The following SLC31A2 variants were observed in gnomAD, a reference collection of about 807,000 sequenced individuals.
SLC31A2 encodes the protein solute carrier family 31 member 2, also known as protein SLC31A2.
A neutral mutation model predicts 14.4 loss-of-function variants in SLC31A2; 16 were observed. The observed-to-expected ratio is 1.11, with a 90% CI of 0.75 to 1.69. SLC31A2 has a LOEUF of 1.69. Among genes scored for constraint, SLC31A2 ranks in the 40% most tolerant of loss-of-function variants. The probability of loss-of-function intolerance (pLI) is 0.00; values close to 1 mark genes in which losing one functional copy is unlikely to be tolerated. For missense variants in SLC31A2, 140 were observed against 173.9 expected (o/e 0.81, Z 1.10); for synonymous variants, 56 against 68.7 (o/e 0.82, Z 0.91).
intron 1 of SLC31A2, chr9:113,152,233 A>C (rs1829878206): frequency 6.6e-6 from 1 of 152,262 alleles, no homozygotes; most frequent in Non-Finnish European, 1.5e-5. Flanking sequence ...CAAATCAGTT[A>C]AACTTTCAGA....
chr9:113,158,207 T>G (rs532269032), intron 2 of SLC31A2: 20 of 372,752 alleles, frequency 5.4e-5, no homozygotes, highest in African/African-American at 8.4e-5. Flanking sequence ...CAGCAGCTGC[T>G]GGAGATGAGA....
intron 1 of SLC31A2, among the ~76,000 whole-genome samples, chr9:113,152,893 C>T (rs1236490087): frequency 2.0e-5 from 3 of 152,238 alleles, no homozygotes; most frequent in African/African-American, 7.2e-5. Context: ...AACTCCCTGA[C>T]TGATTAATTA....
At chr9:113,153,465 C>T (rs1587938601) in intron 1 of SLC31A2, among the ~76,000 whole-genome samples, 1 of 151,478 alleles carries the variant, frequency 6.6e-6, no homozygotes, top group East Asian at 1.9e-4. Context: ...GTCCCAGAAA[C>T]ACCCAGTACA....
Position 113,163,923 on chromosome 9 carries a change from G to T in SLC31A2, c.*1006G>T, listed in dbSNP as rs10603. 0.05 allele frequency: 7,688 copies of T among 152,686 alleles called. 238 individuals carry two copies. Among genetic ancestry groups the T allele is most frequent in the South Asian group, 0.13 (644 of 4,826 alleles). 9.5% of individuals were successfully genotyped at this position (152,686 alleles called of 1,614,324 possible). Reference sequence around the variant, plus strand: ...TAAAATACTGATTAAGCCATGGGCAGGTACTGACTGAAGATGCAATCCAAC... The same window carrying T: ...TAAAATACTGATTAAGCCATGGGCATGTACTGACTGAAGATGCAATCCAAC... On this transcript the variant is annotated 3_prime_UTR_variant, in exon 4 of 4. Transcript: ENST00000259392.
chr9:113,160,042 T>TG (rs1323429256), intron 2 of SLC31A2, among the ~76,000 whole-genome samples: 7 of 152,082 alleles, frequency 4.6e-5, no homozygotes, highest in East Asian at 1.9e-4. Context: ...CCAGGCGTGG[T>TG]GGGGGGTGTC....
Position 113,163,091 on chromosome 9 carries a change from C to A in SLC31A2, c.*174C>A. 1.8e-6 allele frequency: 1 copy of A among 569,048 alleles called. No homozygotes were observed. Among genetic ancestry groups the A allele is most frequent in the Non-Finnish European group, 3.0e-6 (1 of 337,270 alleles). The allele number at this position is 569,048 out of a possible 1,614,324, so 35.2% of individuals were successfully genotyped here. A position where few individuals can be genotyped will look rare whatever the true frequency, so the allele number is the denominator to read the frequency against. On this transcript the variant is annotated 3_prime_UTR_variant, in exon 4 of 4. Transcript: ENST00000259392. ...CCCTGGAGTTCGGAAGCCATTGCAG[C>A]AACCTTCCTTCTCAGCCAGCCTACG... is the stretch of plus-strand genomic sequence containing the variant.
In SLC31A2 at chr9:113,151,080, G is replaced by C; in HGVS notation, c.6G>C (p.Ala2=). M[A]MHFIFSDTAV... is the part of the protein sequence containing the mutation. ...GCCCGCCCTGCGCACTCACCATGGC[G>C]GTAAGGGCCGGGCGCTACGGTGAAG... The change falls in exon 1 of 4, where the codon GCG becomes GCC. Residue 2 remains alanine (A), a splice_region_variant and synonymous_variant. Transcript: ENST00000259392. This position sits in a 1 kb window ranked among gnomAD's most constrained non-coding sequence, Gnocchi z 4.2. The C allele has an allele frequency of 7.6e-7, 1 of 1,308,316 alleles. No homozygotes were observed. The highest frequency in any genetic ancestry group is 9.8e-7 in the Non-Finnish European group (1 of 1,020,700). The allele number at this position is 1,308,316 out of a possible 1,614,324, so 81.0% of individuals were successfully genotyped here.
chr9:113,161,641 A>T lies in SLC31A2; in HGVS notation c.206A>T (p.Glu69Val), dbSNP rs569884303. 86 of 1,614,040 alleles carry T rather than the reference A, an allele frequency of 5.3e-5. No individual in the cohort carries two copies. In the African/African-American group the frequency reaches 1.1e-3, roughly 21 times the overall value. Residue 69 changes from glutamate (E) to valine (V), a missense_variant, in exon 3 of 4, where the codon GAG becomes GTG. Physicochemically the swap from Glu to Val is moderately radical, Grantham distance 121. Coordinates refer to ENST00000259392, the MANE Select transcript of SLC31A2 (RefSeq NM_001860.3). ...TCCATCAGCCAGCAGACCATCGCAG[A>T]GACAGACGGGGACTCTGCAGGCTCA... ...PTSISQQTIA[E>V]TDGDSAGSDS...
chr9:113,157,441 G>A (rs1050478276), intron 1 of SLC31A2, among the ~76,000 whole-genome samples: 8 of 152,216 alleles, frequency 5.3e-5, no homozygotes, highest in African/African-American at 1.7e-4. Context: ...CACATAGTCT[G>A]AGGACACTGT....
chr9:113,161,803 C>T (rs1207893594), intron 3 of SLC31A2, 105 bp downstream of exon 3: 2 of 1,298,818 alleles, frequency 1.5e-6, no homozygotes. Flanking sequence ...GACAGCGAGG[C>T]CCAGGGAAGG....
At chr9:113,162,280 T>C (rs1830025619) in intron 3 of SLC31A2, 1 of 234,690 alleles carries the variant, frequency 4.3e-6, no homozygotes, top group Admixed American at 5.5e-5. Flanking sequence ...CATTCCTGTT[T>C]TACTGATAAG....
At chr9:113,161,995 C>T (rs1041419729) in intron 3 of SLC31A2, 1 of 484,938 alleles carries the variant, frequency 2.1e-6, no homozygotes, top group Admixed American at 3.3e-5. Context: ...ACCCACCCTC[C>T]CCCAAATCTC....
chr9:113,157,617 C>G (rs540278111), intron 1 of SLC31A2, 110 bp from the exon 2 acceptor site: 1 of 865,008 alleles, frequency 1.2e-6, no homozygotes, highest in Admixed American at 2.1e-5. Context: ...CCTTCCAGCA[C>G]TTCCAGTGAC....
At chr9:113,161,803 C>A in intron 3 of SLC31A2, 105 bp downstream of exon 3, 1 of 1,298,814 alleles carries the variant, frequency 7.7e-7, no homozygotes, top group Non-Finnish European at 1.1e-6. Context: ...GACAGCGAGG[C>A]CCAGGGAAGG....
At chr9:113,156,254 G>GT (rs1448893478) in intron 1 of SLC31A2, 1 of 426,996 alleles carries the variant, frequency 2.3e-6, no homozygotes, top group East Asian at 5.8e-5. Context: ...GAAACTGAGA[G>GT]TAACCCGCTT....
At position 113,162,946 on chromosome 9, in the gene SLC31A2, T is replaced by TG; in HGVS notation, c.*31dup. 3 of 1,549,710 alleles carry TG rather than the reference T, an allele frequency of 1.9e-6. No individual in the cohort carries two copies. The highest frequency in any genetic ancestry group is 2.6e-6 in the Non-Finnish European group (3 of 1,146,906). The stretch of plus-strand genomic sequence containing the variant: ...GTGAGGAACGTGCAGGCACTGAGGC[T>TG]GGAGGGACATGGAGCCCCCTCTTCC... On this transcript the variant is annotated 3_prime_UTR_variant, in exon 4 of 4. Transcript: ENST00000259392.
intron 2 of SLC31A2, chr9:113,158,020 A>G (rs1195224522): frequency 9.6e-6 from 6 of 622,652 alleles, no homozygotes; most frequent in Non-Finnish European, 9.2e-6. Context: ...AGAGGCAGGG[A>G]GGCAGCTTTT....
chr9:113,158,494 A>G (rs1451752622), intron 2 of SLC31A2, among the ~76,000 whole-genome samples: 1 of 152,170 alleles, frequency 6.6e-6, no homozygotes, highest in African/African-American at 2.4e-5. Flanking sequence ...GACCCAGGTG[A>G]GTGGTCCTTA....
chr9:113,155,450 A>G (rs1432397227), intron 1 of SLC31A2, among the ~76,000 whole-genome samples: 2 of 152,220 alleles, frequency 1.3e-5, no homozygotes, highest in Non-Finnish European at 2.9e-5. Context: ...AAGACATATA[A>G]CATTTTTAGA....
Sources: allele counts gnomAD v4.1 joint callset (sites outside exome capture counted in the v4.1 genomes callset), GRCh38; gene constraint gnomAD v4.1.1; non-coding constraint Gnocchi (gnomAD v3.1); transcripts MANE v1.5; gene names NCBI Gene and HGNC (gene_info 2026-07-23, HGNC 2026-07-21).